WARS2: variants seen among roughly 807,000 people sequenced by gnomAD.
WARS2 encodes tryptophanyl tRNA synthetase 2, mitochondrial.
Under a neutral mutation model 36.5 loss-of-function variants are expected in WARS2, and 28 were observed. The ratio of observed to expected loss-of-function variants is 0.77; its 90% CI spans 0.57 to 1.05. The LOEUF is 1.05. Ranked by LOEUF, WARS2 falls within the 50% of genes least tolerant of loss-of-function variation. The pLI is 0.00. For synonymous variants in WARS2, 174 were observed against 178.4 expected, an observed-to-expected ratio of 0.98 and a Z score of 0.20; for missense variants, 435 against 456.8, an observed-to-expected ratio of 0.95 and a Z score of 0.44.
intron 3 of WARS2, among the ~76,000 whole-genome samples, chr1:119,045,190 GTC>G (rs1419486634): frequency 1.3e-5 from 2 of 152,106 alleles, no homozygotes; most frequent in Non-Finnish European, 2.9e-5. Flanking sequence ...AAAATATGTT[GTC>G]TCTTCTCTCC....
intron 2 of WARS2, among the ~76,000 whole-genome samples, chr1:119,071,055 C>T (rs907311982): frequency 2.0e-5 from 3 of 152,066 alleles, no homozygotes; most frequent in East Asian, 1.9e-4. Flanking sequence ...TGGTGGCAGG[C>T]GCCTGTAATC....
intron 2 of WARS2, among the ~76,000 whole-genome samples, chr1:119,074,269 G>A (rs1257486559): frequency 6.6e-6 from 1 of 152,218 alleles, no homozygotes; most frequent in African/African-American, 2.4e-5. Context: ...GAAGGCGAGA[G>A]ACCCAGGGAC....
intron 1 of WARS2, among the ~76,000 whole-genome samples, chr1:119,136,223 T>C (rs1656500942): frequency 6.6e-6 from 1 of 152,102 alleles, no homozygotes; most frequent in Admixed American, 6.6e-5. Flanking sequence ...AGCAAGAATT[T>C]GGAGGTCAGC....
intron 2 of WARS2, among the ~76,000 whole-genome samples, chr1:119,069,137 C>T (rs1262572882): frequency 6.6e-6 from 1 of 152,110 alleles, no homozygotes; most frequent in Non-Finnish European, 1.5e-5. Flanking sequence ...TAATGTTCAA[C>T]AATAGCACAC....
At chr1:119,106,261 C>T (rs1654230983) in intron 1 of WARS2, among the ~76,000 whole-genome samples, 1 of 152,186 alleles carries the variant, frequency 6.6e-6, no homozygotes, top group South Asian at 2.1e-4. Flanking sequence ...CCACTACTGG[C>T]ATCCCACACC....
chr1:119,043,428 C>A (rs1202379829), intron 3 of WARS2, among the ~76,000 whole-genome samples: 1 of 152,168 alleles, frequency 6.6e-6, no homozygotes, highest in Non-Finnish European at 1.5e-5. Context: ...TTTTTTAAGG[C>A]TCAGTCTGAA....
At chr1:119,050,542 A>G (rs1178403909) in intron 2 of WARS2, among the ~76,000 whole-genome samples, 1 of 152,200 alleles carries the variant, frequency 6.6e-6, no homozygotes, top group Non-Finnish European at 1.5e-5. Flanking sequence ...TAAATATTTA[A>G]TGAATGCATG....
intron 2 of WARS2, among the ~76,000 whole-genome samples, chr1:119,068,515 C>G (rs968894585): frequency 6.6e-6 from 1 of 152,180 alleles, no homozygotes; most frequent in Non-Finnish European, 1.5e-5. Flanking sequence ...CCTCCCTCAA[C>G]TTTTCCTTGG....
At chr1:119,076,890 G>A (rs963208955) in intron 1 of WARS2, among the ~76,000 whole-genome samples, 4 of 152,022 alleles carry the variant, frequency 2.6e-5, no homozygotes, top group Non-Finnish European at 4.4e-5. Context: ...CTGTAATCCC[G>A]ACACTTTGGG....
chr1:119,036,490 C>A (rs997290622), intron 4 of WARS2, among the ~76,000 whole-genome samples: 1 of 152,176 alleles, frequency 6.6e-6, no homozygotes, highest in African/African-American at 2.4e-5. Flanking sequence ...GTGAGGCTGA[C>A]ATGCAGAGGT....
rs781116988 is a variant in WARS2, at chr1:119,091,338, T to C, written c.91-14731A>G. 3.9e-5 allele frequency among the ~76,000 whole-genome samples: 6 copies of C among 152,288 alleles called. No individual in the cohort carries two copies. The East Asian group carries it at 9.7e-4, about 25-fold the overall frequency. The stretch of plus-strand genomic sequence containing the variant: ...TTTGATCCTCATAAAAACTCTGAGG[T>C]ACTTGTTTCACAAGGATGAAGGAAC... On this transcript the variant is annotated intron_variant, in intron 1 of 5. Coordinates refer to ENST00000235521, the MANE Select transcript of WARS2 (RefSeq NM_015836.4).
chr1:119,134,130 T>C (rs892789711), intron 1 of WARS2, among the ~76,000 whole-genome samples: 2 of 151,652 alleles, frequency 1.3e-5, no homozygotes, highest in African/African-American at 4.8e-5. Flanking sequence ...ACCAAGGTCA[T>C]TCAGGGCTCC....
chr1:119,042,370 G>A (rs769305019), intron 3 of WARS2, 21 bp from the exon 4 acceptor site: 3 of 1,610,294 alleles, frequency 1.9e-6, no homozygotes, highest in South Asian at 1.1e-5. Context: ...TGAAAAGAGA[G>A]GAGGGGAAGA....
intron 1 of WARS2, among the ~76,000 whole-genome samples, chr1:119,128,871 G>T (rs1655884084): frequency 6.6e-6 from 1 of 152,102 alleles, no homozygotes; most frequent in South Asian, 2.1e-4. Context: ...GGAAAAGAAA[G>T]ACAAGAGGGC....
chr1:119,069,164 T>A (rs1298820143), intron 2 of WARS2, among the ~76,000 whole-genome samples: 1 of 152,204 alleles, frequency 6.6e-6, no homozygotes, highest in Non-Finnish European at 1.5e-5. Context: ...ATAGCCTTTA[T>A]AATTTAGCTG....
At chr1:119,050,226 T>C (rs1167356698) in intron 2 of WARS2, among the ~76,000 whole-genome samples, 1 of 152,196 alleles carries the variant, frequency 6.6e-6, no homozygotes, top group African/African-American at 2.4e-5. Context: ...TTTTCTCTGA[T>C]AGGAATTGTC....
intron 1 of WARS2, chr1:119,085,542 GC>G (rs1652581897): frequency 3.1e-6 from 5 of 1,610,764 alleles, no homozygotes; most frequent in Non-Finnish European, 4.2e-6. Context: ...GGGGGTACGA[GC>G]CCCACAGCCC....
At chr1:119,084,825 T>C (rs921917408) in intron 1 of WARS2, among the ~76,000 whole-genome samples, 1 of 152,204 alleles carries the variant, frequency 6.6e-6, no homozygotes, top group Non-Finnish European at 1.5e-5. Context: ...ACGAAGAATA[T>C]CTAGGATATG....
chr1:119,049,651 CT>C (rs1649169909), intron 2 of WARS2, among the ~76,000 whole-genome samples: 1 of 152,238 alleles, frequency 6.6e-6, no homozygotes, highest in African/African-American at 2.4e-5. Context: ...CGTTCCAAAT[CT>C]GCTCTATCCA....
Sources: gnomAD v4.1 joint callset for allele counts (sites outside exome capture counted in the v4.1 genomes callset) on GRCh38, gnomAD v4.1.1 for gene constraint, MANE v1.5 for transcripts, NCBI Gene and HGNC (gene_info 2026-07-23, HGNC 2026-07-21) for gene names.